The following NUDCD1 variants were observed in gnomAD, a reference collection of about 807,000 sequenced individuals.
NUDCD1 encodes NudC domain containing 1.
A neutral mutation model predicts 67.8 loss-of-function variants in NUDCD1; 60 were observed. The observed-to-expected ratio is 0.88, with a 90% confidence interval of 0.72 to 1.10. The LOEUF (loss-of-function observed/expected upper bound fraction) is 1.10, where lower values mean the gene tolerates loss of function less well. NUDCD1 is among the 50% of genes least tolerant of loss of function. The pLI is 0.00. For synonymous variants in NUDCD1, 244 were observed against 230.8 expected (o/e 1.06, Z -0.52); for missense variants, 643 against 695.0 (o/e 0.93, Z 0.84).
chr8:109,275,381 G>A lies in NUDCD1; in HGVS notation c.1144C>T (p.Arg382Cys), dbSNP rs377391733. The A allele has an allele frequency of 1.2e-5, 19 of 1,613,352 alleles. No individual in the cohort carries two copies. Among genetic ancestry groups the A allele is most frequent in the Middle Eastern group, 1.7e-4 (1 of 6,058 alleles). The change falls in exon 7 of 10, where the codon CGT becomes TGT. Residue 382 changes from arginine (R) to cysteine (C), a missense_variant. Physicochemically the swap from Arg to Cys is radical, Grantham distance 180. Coordinates refer to ENST00000239690, the MANE Select transcript of NUDCD1 (RefSeq NM_032869.4). ...TCTTCAGAGGTCAAATGCATCAAAC[G>A]TTCAGCTATTGCAGCACACTGGGCT... is the stretch of plus-strand genomic sequence containing the variant. ...DSAQCAAIAE[R>C]LMHLTSEELN... is the part of the protein sequence containing the mutation.
In NUDCD1 at chr8:109,256,293, A is replaced by G. The variant is rs548443163; in HGVS notation, c.1300-10812T>C. ...CTGGATGGCAGTGTTCTTTTAAACT[A>G]TGTCTCCACATTGGTAGCAAAATCA... On this transcript the variant is annotated intron_variant, in intron 8 of 9. Coordinates refer to ENST00000239690, the MANE Select transcript of NUDCD1 (RefSeq NM_032869.4). Among the ~76,000 whole-genome samples, 6 of 152,346 alleles carry G rather than the reference A, an allele frequency of 3.9e-5. No homozygotes were observed. In the South Asian group the frequency reaches 1.2e-3, roughly 32 times the overall value.
intron 2 of NUDCD1, among the ~76,000 whole-genome samples, chr8:109,313,352 TA>T (rs1377571535): frequency 6.6e-6 from 1 of 152,104 alleles, no homozygotes; most frequent in Non-Finnish European, 1.5e-5. Flanking sequence ...ACTGATTTTT[TA>T]AAAAAAGATG....
At chr8:109,251,841 A>C (rs1029087385) in intron 8 of NUDCD1, among the ~76,000 whole-genome samples, 2 of 151,970 alleles carry the variant, frequency 1.3e-5, no homozygotes, top group Non-Finnish European at 2.9e-5. Flanking sequence ...CTTAATGTGA[A>C]AGCTTAAAGT....
chr8:109,248,646 C>T (rs144364923), intron 8 of NUDCD1, among the ~76,000 whole-genome samples: 1 of 151,308 alleles, frequency 6.6e-6, no homozygotes, highest in African/African-American at 2.4e-5. Flanking sequence ...GTTCTCTGTG[C>T]CTTTTAGTTC....
chr8:109,298,791 G>C (rs894577855), intron 2 of NUDCD1: 1 of 152,318 alleles, frequency 6.6e-6, no homozygotes, highest in African/African-American at 2.4e-5. Flanking sequence ...CTGATGGACA[G>C]AGCAGCCTGT....
At chr8:109,280,870 G>A (rs1465701905) in intron 6 of NUDCD1, 98 bp downstream of exon 6, 2 of 556,540 alleles carry the variant, frequency 3.6e-6, no homozygotes, top group Non-Finnish European at 6.1e-6. Flanking sequence ...AATACAGACA[G>A]AACTATTGTA....
chr8:109,283,989 T>TAAAAAAAAAAA (rs58089818), intron 5 of NUDCD1, among the ~76,000 whole-genome samples: 9 of 133,176 alleles, frequency 6.8e-5, no homozygotes, highest in African/African-American at 8.8e-5. Flanking sequence ...AAAGCTGGAT[T>TAAAAAAAAAAA]AAAAAAAAAA....
intron 8 of NUDCD1, among the ~76,000 whole-genome samples, chr8:109,270,576 T>A (rs1814126364): frequency 1.3e-5 from 2 of 152,192 alleles, no homozygotes; most frequent in African/African-American, 4.8e-5. Flanking sequence ...AGCATCATCA[T>A]AAATAATGTA....
At chr8:109,326,102 C>T (rs755593845) in intron 1 of NUDCD1, among the ~76,000 whole-genome samples, 20 of 152,318 alleles carry the variant, frequency 1.3e-4, no homozygotes, top group South Asian at 2.1e-4. Flanking sequence ...TATTAGACAA[C>T]GATATAACAA....
intron 8 of NUDCD1, among the ~76,000 whole-genome samples, chr8:109,260,653 G>A (rs1813845044): frequency 6.6e-6 from 1 of 152,170 alleles, no homozygotes; most frequent in Non-Finnish European, 1.5e-5. Context: ...CCATTAAGAT[G>A]GAAATAGTAT....
intron 2 of NUDCD1, among the ~76,000 whole-genome samples, chr8:109,306,738 G>A (rs1815116991): frequency 6.8e-6 from 1 of 147,822 alleles, no homozygotes; most frequent in Admixed American, 7.0e-5. Flanking sequence ...TTCAGAGCTT[G>A]TGTCTTTCAT....
At chr8:109,286,230 C>G (rs1238501774) in intron 5 of NUDCD1, among the ~76,000 whole-genome samples, 4 of 152,118 alleles carry the variant, frequency 2.6e-5, no homozygotes, top group Non-Finnish European at 5.9e-5. Context: ...CCATACTGCT[C>G]AAAACAAACT....
Position 109,242,944 on chromosome 8 carries a change from C to A in NUDCD1, c.*65G>T. ...TAAAACTTAAGAGGTTACAGTATAA[C>A]TGTCCAGACCTCCAGGTACCACTGA... On this transcript the variant is annotated 3_prime_UTR_variant, in exon 10 of 10. Coordinates refer to ENST00000239690, the MANE Select transcript of NUDCD1 (RefSeq NM_032869.4). The A allele has an allele frequency of 9.7e-7, 1 of 1,035,710 alleles. No individual in the cohort carries two copies. Among genetic ancestry groups the A allele is most frequent in the Non-Finnish European group, 1.4e-6 (1 of 691,620 alleles). The allele number at this position is 1,035,710 out of a possible 1,614,324, so 64.2% of individuals were successfully genotyped here.
chr8:109,332,652 T>C (rs763023432), intron 1 of NUDCD1, among the ~76,000 whole-genome samples: 2 of 152,206 alleles, frequency 1.3e-5, no homozygotes, highest in Non-Finnish European at 2.9e-5. Flanking sequence ...CGTAGACTTG[T>C]GAGCAATAAT....
intron 8 of NUDCD1, among the ~76,000 whole-genome samples, chr8:109,257,193 AAAG>A (rs531169739): frequency 6.6e-6 from 1 of 152,146 alleles, no homozygotes; most frequent in African/African-American, 2.4e-5. Context: ...GCAGATTGGA[AAAG>A]AAGAAGTTAA....
chr8:109,299,858 G>A (rs184815853), intron 2 of NUDCD1, among the ~76,000 whole-genome samples: 5 of 152,224 alleles, frequency 3.3e-5, no homozygotes, highest in Middle Eastern at 3.4e-3. Flanking sequence ...ATTTCACCCC[G>A]CTGACACCTC....
intron 7 of NUDCD1, among the ~76,000 whole-genome samples, chr8:109,271,389 T>C (rs138334499): frequency 1.3e-5 from 2 of 152,018 alleles, no homozygotes; most frequent in Admixed American, 6.5e-5. Context: ...AAGAGAGAGA[T>C]GAAAGAACCA....
intron 4 of NUDCD1, 23 bp from the exon 5 acceptor site, chr8:109,289,956 C>T (rs753676631): frequency 9.6e-7 from 1 of 1,044,266 alleles, no homozygotes; most frequent in Non-Finnish European, 1.4e-6. Flanking sequence ...TATTTCAGAA[C>T]AAAACATTAC....
chr8:109,301,116 T>C (rs1814977826), intron 2 of NUDCD1, among the ~76,000 whole-genome samples: 1 of 152,200 alleles, frequency 6.6e-6, no homozygotes, highest in East Asian at 1.9e-4. Context: ...TCATATCCCC[T>C]GTGACCTGCA....
Sources: allele counts gnomAD v4.1 joint callset (sites outside exome capture counted in the v4.1 genomes callset), GRCh38; gene constraint gnomAD v4.1.1; transcripts MANE v1.5; gene names NCBI Gene and HGNC (gene_info 2026-07-23, HGNC 2026-07-21).